ZFHX3: variants seen among roughly 807,000 people sequenced by gnomAD.
ZFHX3 encodes the protein zinc finger homeobox protein 3.
ZFHX3 carries 42 observed loss-of-function variants against 279.1 expected under a neutral mutation model. The ratio of observed to expected loss-of-function variants is 0.15; its 90% CI spans 0.12 to 0.19. The LOEUF is 0.19. Among genes scored for constraint, ZFHX3 ranks in the 10% least tolerant of loss-of-function variants. The pLI is 1.00. For synonymous variants in ZFHX3, 2,293 were observed against 1,957.8 expected (o/e 1.17, Z -4.52); for missense variants, 4,981 against 4,754.0 (o/e 1.05, Z -1.40).
intron 4 of ZFHX3, among the ~76,000 whole-genome samples, chr16:73,287,875 G>C (rs2014669286): frequency 6.6e-6 from 1 of 151,838 alleles, no homozygotes; most frequent in Non-Finnish European, 1.5e-5. Context: ...TGGATGTGTG[G>C]GTTGGTGTAC....
intron 1 of ZFHX3, among the ~76,000 whole-genome samples, chr16:73,845,334 T>C (rs1351190877): frequency 6.6e-6 from 1 of 152,146 alleles, no homozygotes. Flanking sequence ...ACAAACTGCC[T>C]GTCTTTGATA....
chr16:73,320,718 A>G (rs1052441442), intron 3 of ZFHX3, among the ~76,000 whole-genome samples: 1 of 152,158 alleles, frequency 6.6e-6, no homozygotes. Context: ...TCCCAGTGGT[A>G]CTATAAACCA....
intron 7 of ZFHX3, among the ~76,000 whole-genome samples, chr16:73,118,960 A>T (rs574157296): frequency 1.3e-5 from 2 of 152,214 alleles, no homozygotes; most frequent in Admixed American, 1.3e-4. Flanking sequence ...GCCCTGAATA[A>T]CTTGAGCCAG....
At chr16:72,912,613 C>T (rs932201418) in intron 3 of ZFHX3, among the ~76,000 whole-genome samples, 5 of 152,158 alleles carry the variant, frequency 3.3e-5, no homozygotes, top group African/African-American at 1.2e-4. Flanking sequence ...GGAGAAACAG[C>T]AGCTCCTAAG....
chr16:73,296,764 T>C (rs191257106), intron 4 of ZFHX3, among the ~76,000 whole-genome samples: 2 of 152,042 alleles, frequency 1.3e-5, no homozygotes, highest in East Asian at 3.9e-4. Flanking sequence ...ACAATGACAA[T>C]GGGAATAAAC....
intron 2 of ZFHX3, among the ~76,000 whole-genome samples, chr16:73,539,746 T>C (rs903352452): frequency 2.0e-5 from 3 of 152,078 alleles, no homozygotes; most frequent in African/African-American, 7.2e-5. Context: ...CATCGGTGTG[T>C]GAAGAGGGAA....
At chr16:73,079,489 A>G (rs894725435) in intron 8 of ZFHX3, among the ~76,000 whole-genome samples, 1 of 152,114 alleles carries the variant, frequency 6.6e-6, no homozygotes, top group South Asian at 2.1e-4. Context: ...TCTGTCTCCA[A>G]AAAAAACCAA....
At chr16:73,559,642 G>A (rs919326470) in intron 2 of ZFHX3, among the ~76,000 whole-genome samples, 20 of 152,126 alleles carry the variant, frequency 1.3e-4, no homozygotes, top group African/African-American at 3.9e-4. Context: ...TTTCACACAC[G>A]CTTCCTTGCT....
At chr16:72,905,277 C>T (rs976555637) in intron 3 of ZFHX3, among the ~76,000 whole-genome samples, 1 of 152,126 alleles carries the variant, frequency 6.6e-6, no homozygotes, top group Non-Finnish European at 1.5e-5. Flanking sequence ...GATTTAATGA[C>T]AGGAGATAAT....
chr16:73,116,274 G>A (rs1458955628), intron 7 of ZFHX3, among the ~76,000 whole-genome samples: 1 of 152,142 alleles, frequency 6.6e-6, no homozygotes, highest in Admixed American at 6.5e-5. Flanking sequence ...GGTGGGTGGC[G>A]GGGGAGTGTC....
intron 2 of ZFHX3, among the ~76,000 whole-genome samples, chr16:73,632,861 G>T (rs537896481): frequency 6.6e-6 from 1 of 152,310 alleles, no homozygotes; most frequent in East Asian, 1.9e-4. Flanking sequence ...TAGATCACAA[G>T]GTCAGGAGAT....
chr16:72,868,155 A>G (rs975901289), intron 4 of ZFHX3, among the ~76,000 whole-genome samples: 1 of 152,234 alleles, frequency 6.6e-6, no homozygotes, highest in African/African-American at 2.4e-5. Context: ...TAATACATAA[A>G]TGTAATTGGG....
At chr16:73,039,341 G>T (rs975048916) in intron 1 of ZFHX3, among the ~76,000 whole-genome samples, 1 of 152,184 alleles carries the variant, frequency 6.6e-6, no homozygotes, top group Admixed American at 6.5e-5. Context: ...AATCACATAC[G>T]CAGAGGCTGC....
chr16:73,802,520 T>C (rs1960173476), intron 1 of ZFHX3, among the ~76,000 whole-genome samples: 1 of 152,154 alleles, frequency 6.6e-6, no homozygotes, highest in South Asian at 2.1e-4. Flanking sequence ...GGACACAAGG[T>C]GTTTGGCTGG....
rs186502839 is a variant in ZFHX3, at chr16:73,700,769, A to G, written c.-1607-20529T>C. Among the ~76,000 whole-genome samples the G allele has an allele frequency of 1.9e-3, 295 of 152,362 alleles. 1 individual carries two copies. The highest frequency in any genetic ancestry group is 6.9e-3 in the African/African-American group (285 of 41,586). The stretch of plus-strand genomic sequence containing the variant: ...CTAGGGAAATAATTAAAATGTAACA[A>G]TAAGTAAACAATTTGAATTCCAATA... On this transcript the variant is annotated intron_variant, in intron 1 of 17. Transcript: ENST00000641206.
intron 2 of ZFHX3, among the ~76,000 whole-genome samples, chr16:73,478,770 A>C (rs1235746260): frequency 1.3e-5 from 2 of 152,102 alleles, no homozygotes; most frequent in Admixed American, 1.3e-4. Context: ...ACCCAGACTC[A>C]AGCTGGGCGC....
chr16:73,140,609 A>T (rs1352695541), intron 6 of ZFHX3, among the ~76,000 whole-genome samples: 1 of 152,046 alleles, frequency 6.6e-6, no homozygotes, highest in Non-Finnish European at 1.5e-5. Flanking sequence ...TAATCCCAGC[A>T]CTTTGGGAGG....
chr16:73,735,901 T>TG (rs375304884), intron 1 of ZFHX3, among the ~76,000 whole-genome samples: 3,255 of 146,040 alleles, frequency 0.022, 161 homozygotes, highest in African/African-American at 0.079. Context: ...GTTTTTTTTT[T>TG]TTTTTTTTTT....
intron 1 of ZFHX3, among the ~76,000 whole-genome samples, chr16:72,973,168 T>C (rs1962183541): frequency 6.6e-6 from 1 of 152,228 alleles, no homozygotes; most frequent in African/African-American, 2.4e-5. Context: ...AGACTCAGCA[T>C]GGCTCAACAT....
Sources: gnomAD v4.1 joint callset for allele counts (sites outside exome capture counted in the v4.1 genomes callset) on GRCh38, gnomAD v4.1.1 for gene constraint, MANE v1.5 for transcripts, NCBI Gene and HGNC (gene_info 2026-07-23, HGNC 2026-07-21) for gene names.